Variants in PEPD observed in about 807,000 individuals in gnomAD.
PEPD encodes the protein xaa-Pro dipeptidase.
A neutral mutation model predicts 60.7 loss-of-function variants in PEPD; 53 were observed. The ratio of observed to expected loss-of-function variants is 0.87; its 90% CI spans 0.70 to 1.10. The LOEUF is 1.10. PEPD is among the 50% of genes least tolerant of loss of function. PEPD has a pLI of 0.00. For synonymous variants in PEPD, 267 were observed against 284.1 expected (o/e 0.94, Z 0.60); for missense variants, 711 against 711.9 (o/e 1.00, Z 0.01).
In PEPD at chr19:33,399,260, G is replaced by A. The variant is rs111286986; in HGVS notation, c.967+2461C>T. ...CGCCTCCCAAGTGCTGGGATTATAA[G>A]TGTGAGCCACAGAGCCCGGCCTGCT... On this transcript the variant is annotated intron_variant, in intron 12 of 14. Transcript: ENST00000244137. Among the ~76,000 whole-genome samples the A allele has an allele frequency of 5.9e-3, 894 of 152,314 alleles. 9 individuals carry two copies. The highest frequency in any genetic ancestry group is 0.02 in the African/African-American group (850 of 41,562).
At chr19:33,391,673 A>T (rs906041642) in intron 12 of PEPD, among the ~76,000 whole-genome samples, 194 bp from the exon 13 acceptor site, 1 of 152,162 alleles carries the variant, frequency 6.6e-6, no homozygotes, top group Non-Finnish European at 1.5e-5. Flanking sequence ...GGGCTTTCCC[A>T]GCAAAAGCTC....
chr19:33,467,016 G>A (rs1240725020), intron 7 of PEPD, among the ~76,000 whole-genome samples: 2 of 151,920 alleles, frequency 1.3e-5, no homozygotes, highest in Admixed American at 1.3e-4. Context: ...AATTAGCTGG[G>A]CATGGTGGCG....
chr19:33,510,269 C>T lies in PEPD; in HGVS notation c.329+759G>A, dbSNP rs529617328. Among the ~76,000 whole-genome samples the T allele has an allele frequency of 3.9e-5, 6 of 152,244 alleles. No homozygotes were observed. The South Asian group carries it at 6.2e-4, about 16-fold the overall frequency. ...AATTAGAGAAAACGACATGGACACA[C>T]GTGGAGTGGTTTTAAGGAGCGGAGA... On this transcript the variant is annotated intron_variant, in intron 3 of 14. Coordinates refer to ENST00000244137, the MANE Select transcript of PEPD (RefSeq NM_000285.4).
intron 9 of PEPD, among the ~76,000 whole-genome samples, chr19:33,433,895 T>G (rs1969322700): frequency 6.6e-6 from 1 of 152,190 alleles, no homozygotes; most frequent in African/African-American, 2.4e-5. Context: ...GCCATTTTGG[T>G]GTGTGTGTGC....
intron 5 of PEPD, among the ~76,000 whole-genome samples, chr19:33,492,635 T>A (rs542726410): frequency 1.6e-4 from 25 of 152,352 alleles, no homozygotes; most frequent in African/African-American, 5.8e-4. Flanking sequence ...TCTGATTTGT[T>A]CTACCTAGCT....
At chr19:33,452,048 A>G (rs532033815) in intron 9 of PEPD, among the ~76,000 whole-genome samples, 7 of 152,224 alleles carry the variant, frequency 4.6e-5, no homozygotes, top group African/African-American at 1.7e-4. Flanking sequence ...GATAAAAACT[A>G]AACACTTTCC....
At chr19:33,461,740 G>T (rs1969929470) in intron 9 of PEPD, among the ~76,000 whole-genome samples, 1 of 152,222 alleles carries the variant, frequency 6.6e-6, no homozygotes, top group Non-Finnish European at 1.5e-5. Context: ...GAGCGGGCAG[G>T]GGGTCCTGGG....
At chr19:33,476,438 C>A (rs940685692) in intron 7 of PEPD, among the ~76,000 whole-genome samples, 3 of 152,246 alleles carry the variant, frequency 2.0e-5, no homozygotes, top group South Asian at 2.1e-4. Flanking sequence ...CCTAGCTATG[C>A]GGGACAAAAA....
intron 9 of PEPD, among the ~76,000 whole-genome samples, chr19:33,414,804 G>GACTT (rs1252894350): frequency 6.6e-6 from 1 of 152,238 alleles, no homozygotes; most frequent in Non-Finnish European, 1.5e-5. Flanking sequence ...TGGGCTTTCA[G>GACTT]ACTTGCCTTC....
rs199794147 is a variant in PEPD, at chr19:33,411,676, T to C, written c.814A>G (p.Met272Val). The part of the protein sequence containing the change: ...PNDRTIQNGD[M>V]CLFDMGGEYY... Reference sequence around the variant, plus strand: ...AGGGCCGCTGGCCCTACTTACCACATATCCCCATTCTGGATCGTTCGGTCG... The same window carrying C: ...AGGGCCGCTGGCCCTACTTACCACACATCCCCATTCTGGATCGTTCGGTCG... The change falls in exon 11 of 15, where the codon ATG becomes GTG. Residue 272 changes from methionine (M) to valine (V), a missense_variant. Coordinates refer to ENST00000244137, the MANE Select transcript of PEPD (RefSeq NM_000285.4). The C allele has an allele frequency of 1.4e-5, 22 of 1,594,328 alleles. No homozygotes were observed. The highest frequency in any genetic ancestry group is 5.4e-5 in the African/African-American group (4 of 74,520).
chr19:33,478,440 T>C (rs1970261369), intron 6 of PEPD, among the ~76,000 whole-genome samples: 1 of 152,118 alleles, frequency 6.6e-6, no homozygotes, highest in Non-Finnish European at 1.5e-5. Context: ...CCTCACCAAT[T>C]TGATGAAAAA....
At chr19:33,415,803 G>A (rs1336892320) in intron 9 of PEPD, among the ~76,000 whole-genome samples, 1 of 152,200 alleles carries the variant, frequency 6.6e-6, no homozygotes, top group African/African-American at 2.4e-5. Flanking sequence ...TCCATAGGAA[G>A]GAGTTGAAAA....
At chr19:33,400,288 G>A (rs994678352) in intron 12 of PEPD, among the ~76,000 whole-genome samples, 1 of 152,200 alleles carries the variant, frequency 6.6e-6, no homozygotes, top group Non-Finnish European at 1.5e-5. Context: ...AAGGTGGCTG[G>A]GGCCTGTGTG....
intron 9 of PEPD, 183 bp downstream of exon 9, chr19:33,462,812 A>G (rs1969951227): frequency 3.0e-6 from 2 of 657,864 alleles, no homozygotes; most frequent in Non-Finnish European, 5.5e-6. Flanking sequence ...ACACTCTGCC[A>G]AGAGCCAGGG....
intron 9 of PEPD, among the ~76,000 whole-genome samples, chr19:33,428,781 G>A (rs1969207755): frequency 1.3e-5 from 2 of 152,208 alleles, no homozygotes; most frequent in African/African-American, 2.4e-5. Flanking sequence ...ACCCAAGGCT[G>A]GCCACAGTGA....
intron 3 of PEPD, among the ~76,000 whole-genome samples, chr19:33,501,996 C>G (rs556728664): frequency 6.6e-6 from 1 of 152,210 alleles, no homozygotes; most frequent in African/African-American, 2.4e-5. Context: ...GGGCAGCCCT[C>G]GTCCACCTCC....
intron 11 of PEPD, among the ~76,000 whole-genome samples, chr19:33,404,323 G>A (rs1381376768): frequency 6.6e-6 from 1 of 152,188 alleles, no homozygotes; most frequent in Non-Finnish European, 1.5e-5. Flanking sequence ...AGAGGACAGG[G>A]CCAGGAGTAT....
intron 9 of PEPD, among the ~76,000 whole-genome samples, chr19:33,451,175 C>T (rs1446503446): frequency 1.3e-5 from 2 of 152,222 alleles, no homozygotes; most frequent in Non-Finnish European, 2.9e-5. Context: ...GCTGTTTCTT[C>T]CTACCCTACT....
In PEPD at chr19:33,436,648, C is replaced by T. The variant is rs117113997; in HGVS notation, c.672-23005G>A. On this transcript the variant is annotated intron_variant, in intron 9 of 14. Transcript: ENST00000244137. ...GGAAAATCAATGTTATTACCTCCTC[C>T]ATCTTCCCACACTTGCTGCTGGTCT... Among the ~76,000 whole-genome samples the T allele has an allele frequency of 8.6e-3, 1,315 of 152,376 alleles. 11 individuals are homozygous for T. Among genetic ancestry groups the T allele is most frequent in the Middle Eastern group, 0.014 (4 of 294 alleles).
Sources: gnomAD v4.1 joint callset for allele counts (sites outside exome capture counted in the v4.1 genomes callset) on GRCh38, gnomAD v4.1.1 for gene constraint, MANE v1.5 for transcripts, NCBI Gene and HGNC (gene_info 2026-07-23, HGNC 2026-07-21) for gene names.